MYO3A: variants seen among roughly 807,000 people sequenced by gnomAD.
MYO3A encodes myosin-IIIa.
In MYO3A, 180 loss-of-function variants were observed where a neutral mutation model predicts 192.7. The observed-to-expected ratio is 0.93, with a 90% CI of 0.83 to 1.06. The LOEUF is 1.06. Among genes scored for constraint, MYO3A ranks in the 50% least tolerant of loss-of-function variants. The pLI is 0.00. For missense variants in MYO3A, 1,896 were observed against 1,905.0 expected (o/e 1.00, Z 0.09); for synonymous variants, 628 against 645.3 (o/e 0.97, Z 0.41).
chr10:26,134,892 A>G (rs1180469249), intron 20 of MYO3A, among the ~76,000 whole-genome samples: 2 of 152,190 alleles, frequency 1.3e-5, no homozygotes, highest in Non-Finnish European at 2.9e-5. Flanking sequence ...AGCAGGGGTG[A>G]GTAAGAGTTC....
intron 15 of MYO3A, among the ~76,000 whole-genome samples, chr10:26,092,565 C>T (rs1437770256): frequency 6.6e-6 from 1 of 152,160 alleles, no homozygotes; most frequent in African/African-American, 2.4e-5. Context: ...TTAAGCTATA[C>T]CCTTGTGAGT....
intron 31 of MYO3A, among the ~76,000 whole-genome samples, chr10:26,181,255 TAAAC>T (rs1392146265): frequency 1.3e-5 from 2 of 152,116 alleles, no homozygotes; most frequent in African/African-American, 4.8e-5. Context: ...ATGTAAGAAA[TAAAC>T]AAACCAAATG....
In MYO3A at chr10:26,026,432, A is replaced by C; in HGVS notation, c.853A>C (p.Lys285Gln). ...AACAGTGTCAGAACTTTTACAGCAT[A>C]AATTCATTACTCAAATTGAGGGCAA... ...RPTVSELLQH[K>Q]FITQIEGKDV... The change falls in exon 10 of 35, where the codon AAA becomes CAA. Residue 285 changes from lysine (K) to glutamine (Q), a missense_variant. Lys to Gln is a moderately conservative substitution (Grantham distance 53, BLOSUM62 1). Coordinates refer to ENST00000642920, the MANE Select transcript of MYO3A (RefSeq NM_017433.5). 2 of 1,614,166 alleles carry C rather than the reference A, an allele frequency of 1.2e-6. No homozygotes were observed. Among genetic ancestry groups the C allele is most frequent in the Non-Finnish European group, 1.7e-6 (2 of 1,179,996 alleles).
intron 14 of MYO3A, among the ~76,000 whole-genome samples, chr10:26,075,205 T>A (rs1588906259): frequency 6.6e-6 from 1 of 152,176 alleles, no homozygotes; most frequent in East Asian, 1.9e-4. Context: ...TCCTCAGAAT[T>A]ATTTTGGTTA....
At chr10:26,176,994 C>G in intron 31 of MYO3A, 149 bp downstream of exon 31, 1 of 925,938 alleles carries the variant, frequency 1.1e-6, no homozygotes, top group South Asian at 1.5e-5. Context: ...TATGGAGATA[C>G]AGTTTTTTTA....
intron 20 of MYO3A, among the ~76,000 whole-genome samples, chr10:26,135,966 CAAAA>C (rs55885370): frequency 3.0e-5 from 3 of 100,218 alleles, no homozygotes; most frequent in South Asian, 3.6e-4. Context: ...AACTCCATCT[CAAAA>C]AAAAAAAAAA....
At chr10:26,062,530 A>AAAAAAAAAAAAAAAAAAAAAAAAAAAACG (rs1554816581) in intron 10 of MYO3A, among the ~76,000 whole-genome samples, 3 of 125,946 alleles carry the variant, frequency 2.4e-5, no homozygotes, top group Non-Finnish European at 3.4e-5. Context: ...AAAAAAAAAA[A>AAAAAAAAAAAAAAAAAAAAAAAAAAAACG]AAATTATGGA....
chr10:25,984,556 C>T (rs1014637330), intron 4 of MYO3A, among the ~76,000 whole-genome samples: 4 of 152,254 alleles, frequency 2.6e-5, no homozygotes, highest in African/African-American at 9.6e-5. Flanking sequence ...TGTTCCAAGC[C>T]CCCCTCCCTT....
At chr10:26,011,665 C>T (rs971429534) in intron 6 of MYO3A, among the ~76,000 whole-genome samples, 3 of 152,286 alleles carry the variant, frequency 2.0e-5, no homozygotes, top group East Asian at 3.9e-4. Flanking sequence ...GACCTATTCA[C>T]TGAATTCTAT....
intron 31 of MYO3A, among the ~76,000 whole-genome samples, chr10:26,186,325 G>A (rs952483871): frequency 1.4e-5 from 2 of 138,934 alleles, no homozygotes; most frequent in East Asian, 4.3e-4. Flanking sequence ...GGAGTGCATT[G>A]ACGTGATCTC....
At chr10:26,158,590 A>G (rs1841296029) in intron 26 of MYO3A, among the ~76,000 whole-genome samples, 1 of 152,162 alleles carries the variant, frequency 6.6e-6, no homozygotes, top group Non-Finnish European at 1.5e-5. Context: ...TTAACATAAA[A>G]TAAATTAAGC....
chr10:26,141,264 C>T (rs1006800826), intron 20 of MYO3A, among the ~76,000 whole-genome samples: 2 of 152,150 alleles, frequency 1.3e-5, no homozygotes, highest in African/African-American at 4.8e-5. Context: ...GAGCAGAGGA[C>T]TTTCTGAAGA....
At chr10:25,969,320 C>T (rs182952473) in intron 4 of MYO3A, among the ~76,000 whole-genome samples, 33 of 152,320 alleles carry the variant, frequency 2.2e-4, no homozygotes, top group African/African-American at 7.0e-4. Flanking sequence ...TCATCTCTTA[C>T]TGTACCTAGT....
intron 20 of MYO3A, among the ~76,000 whole-genome samples, chr10:26,129,104 A>C (rs1316150712): frequency 2.6e-5 from 4 of 152,232 alleles, no homozygotes; most frequent in Non-Finnish European, 4.4e-5. Flanking sequence ...AAGAATACTT[A>C]AATTATTTTA....
chr10:26,005,467 G>C (rs959645723), intron 6 of MYO3A, among the ~76,000 whole-genome samples: 2 of 152,248 alleles, frequency 1.3e-5, no homozygotes, highest in African/African-American at 4.8e-5. Flanking sequence ...GATGAAATTT[G>C]AATGGGCTCT....
At chr10:26,148,155 C>G (rs943996890) in intron 23 of MYO3A, among the ~76,000 whole-genome samples, 25 of 152,250 alleles carry the variant, frequency 1.6e-4, no homozygotes, top group African/African-American at 6.0e-4. Context: ...AAAACTATCA[C>G]CATGATTAAT....
chr10:25,995,089 A>G (rs1840335620), intron 4 of MYO3A, among the ~76,000 whole-genome samples: 1 of 151,070 alleles, frequency 6.6e-6, no homozygotes, highest in African/African-American at 2.4e-5. Context: ...CTCCTGGATA[A>G]TATCCTAAAG....
At chr10:26,211,751 G>A (rs1442215189) in intron 34 of MYO3A, 92 bp from the exon 35 acceptor site, 4 of 1,578,586 alleles carry the variant, frequency 2.5e-6, no homozygotes, top group Non-Finnish European at 8.6e-7. Flanking sequence ...GGCAGAACGT[G>A]GGAGGAAGAG....
intron 17 of MYO3A, among the ~76,000 whole-genome samples, chr10:26,110,963 C>T (rs1254935767): frequency 6.6e-6 from 1 of 150,898 alleles, no homozygotes; most frequent in African/African-American, 2.4e-5. Flanking sequence ...CTCCTGAGCT[C>T]AATCTGTCCT....
Sources: allele counts gnomAD v4.1 joint callset (sites outside exome capture counted in the v4.1 genomes callset), GRCh38; gene constraint gnomAD v4.1.1; transcripts MANE v1.5; gene names NCBI Gene and HGNC (gene_info 2026-07-23, HGNC 2026-07-21).